Variants in ABLIM1 observed in about 807,000 individuals in gnomAD.
ABLIM1 encodes actin-binding LIM protein 1.
In ABLIM1, 40 loss-of-function variants were observed where a neutral mutation model predicts 107.0. The ratio of observed to expected loss-of-function variants is 0.37; its 90% CI spans 0.29 to 0.49. ABLIM1 has a LOEUF of 0.49. Ranked by LOEUF, ABLIM1 falls within the 20% of genes least tolerant of loss-of-function variation. The pLI, the probability that ABLIM1 is intolerant of heterozygous loss-of-function variation, is 0.97. For missense variants in ABLIM1, 857 were observed against 1,008.5 expected, an observed-to-expected ratio of 0.85 and a Z score of 2.04; for synonymous variants, 357 against 357.3, an observed-to-expected ratio of 1.00 and a Z score of 0.01.
At chr10:114,640,309 C>CT (rs1218461104) in intron 1 of ABLIM1, among the ~76,000 whole-genome samples, 2 of 152,200 alleles carry the variant, frequency 1.3e-5, no homozygotes, top group African/African-American at 2.4e-5. Context: ...GGAGGATCAT[C>CT]TGAGGCCAGG....
intron 1 of ABLIM1, among the ~76,000 whole-genome samples, chr10:114,705,467 A>C (rs1471247047): frequency 1.3e-5 from 2 of 152,186 alleles, no homozygotes; most frequent in African/African-American, 4.8e-5. Context: ...CGAAGACCTC[A>C]AACAGTGGAA....
At chr10:114,541,747 A>C (rs961116347) in intron 6 of ABLIM1, among the ~76,000 whole-genome samples, 1 of 152,254 alleles carries the variant, frequency 6.6e-6, no homozygotes, top group Non-Finnish European at 1.5e-5. Context: ...ATTTGAGAAG[A>C]GGTCTCTGCA....
upstream of ABLIM1, among the ~76,000 whole-genome samples, chr10:114,685,641 C>T (rs994484717): frequency 6.6e-6 from 1 of 152,170 alleles, no homozygotes; most frequent in African/African-American, 2.4e-5. Context: ...GCACCAGGCG[C>T]CAGACAAAGA....
At chr10:114,672,703 A>G (rs928218526) in intron 1 of ABLIM1, among the ~76,000 whole-genome samples, 1 of 152,188 alleles carries the variant, frequency 6.6e-6, no homozygotes, top group African/African-American at 2.4e-5. Context: ...TCTTTGTTTA[A>G]TCCATGGTTT....
At chr10:114,762,568 G>A (rs1178808307) in intron 1 of ABLIM1, among the ~76,000 whole-genome samples, 1 of 152,126 alleles carries the variant, frequency 6.6e-6, no homozygotes, top group East Asian at 1.9e-4. Context: ...TATTAAAGCT[G>A]TTCTTACTTA....
intron 17 of ABLIM1, 24 bp from the exon 18 acceptor site, chr10:114,441,810 C>T (rs767608524): frequency 6.3e-7 from 1 of 1,599,842 alleles, no homozygotes; most frequent in African/African-American, 1.3e-5. Flanking sequence ...AAGTAAAAAA[C>T]CAATTGTTAG....
chr10:114,620,369 T>C (rs953395701), intron 1 of ABLIM1, among the ~76,000 whole-genome samples: 39 of 152,152 alleles, frequency 2.6e-4, no homozygotes, highest in African/African-American at 8.9e-4. Flanking sequence ...GAGAGGCCCT[T>C]TGACTGAGTC....
chr10:114,759,962 C>T (rs1566312178), intron 1 of ABLIM1, among the ~76,000 whole-genome samples: 1 of 152,142 alleles, frequency 6.6e-6, no homozygotes, highest in Non-Finnish European at 1.5e-5. Context: ...CCATAAATGT[C>T]GATCAGCCCA....
chr10:114,592,356 T>C (rs1474339374), intron 2 of ABLIM1, among the ~76,000 whole-genome samples: 3 of 152,130 alleles, frequency 2.0e-5, no homozygotes, highest in Non-Finnish European at 4.4e-5. Flanking sequence ...GTACTTGGTT[T>C]GTTTAAGAAC....
At chr10:114,740,033 C>T (rs963338915) in intron 1 of ABLIM1, among the ~76,000 whole-genome samples, 3 of 152,024 alleles carry the variant, frequency 2.0e-5, no homozygotes, top group African/African-American at 7.2e-5. Flanking sequence ...CTGTTGGCAT[C>T]AATTTTTAAG....
exon 1 of ABLIM1, chr10:114,684,552 T>G: frequency 7.2e-7 from 1 of 1,387,532 alleles, no homozygotes; most frequent in Non-Finnish European, 9.3e-7. Flanking sequence ...CCTGAGTGAC[T>G]CTGGCTCCTT....
chr10:114,712,238 A>C lies in ABLIM1; in HGVS notation c.-213+55823T>G, dbSNP rs563346286. ...CATGGTGGTGGGCACCTGTAATCCT[A>C]GCTACTCGTGAGGCTGAGGCAGGAG... On this transcript the variant is annotated intron_variant, in intron 1 of 15. Transcript: ENST00000651092. Among the ~76,000 whole-genome samples, 100 of 151,086 alleles carry C rather than the reference A, an allele frequency of 6.6e-4. 1 individual carries two copies. Among genetic ancestry groups the C allele is most frequent in the Admixed American group, 1.4e-3 (21 of 15,102 alleles).
At chr10:114,568,170 C>G (rs1225527935) in intron 4 of ABLIM1, among the ~76,000 whole-genome samples, 1 of 125,622 alleles carries the variant, frequency 8.0e-6, no homozygotes, top group African/African-American at 3.4e-5. Context: ...GCAGTCCAGC[C>G]TGGGCGACAG....
At chr10:114,526,698 G>A (rs1565827836) in intron 6 of ABLIM1, 2 of 985,486 alleles carry the variant, frequency 2.0e-6, no homozygotes, top group Non-Finnish European at 2.4e-6. Flanking sequence ...TCTGTTCCTT[G>A]GCTGTGCTGA....
At chr10:114,458,136 C>CATATAT (rs35858255) in intron 12 of ABLIM1, among the ~76,000 whole-genome samples, 1 of 150,368 alleles carries the variant, frequency 6.7e-6, no homozygotes, top group African/African-American at 2.4e-5. Flanking sequence ...TACAATAGTA[C>CATATAT]ATATATATAT....
At position 114,515,292 on chromosome 10, in the gene ABLIM1, C is replaced by T. The variant is rs544734423; in HGVS notation, c.895-23414G>A. Among the ~76,000 whole-genome samples, 3 of 144,840 alleles carry T rather than the reference C, an allele frequency of 2.1e-5. No homozygotes were observed. The South Asian group carries it at 7.2e-4, about 35-fold the overall frequency. ...TCCCCAAATCCAGATGTGGAAGCTG[C>T]CATTCCCTCCCGTGACCCTCTCCCT... is the stretch of plus-strand genomic sequence containing the variant. On this transcript the variant is annotated intron_variant, in intron 6 of 22. Transcript: ENST00000533213.
chr10:114,452,152 A>C (rs933648142), intron 13 of ABLIM1, among the ~76,000 whole-genome samples: 1 of 152,196 alleles, frequency 6.6e-6, no homozygotes, highest in African/African-American at 2.4e-5. Flanking sequence ...TTTAAAAAAA[A>C]CAGAAACTTT....
At chr10:114,455,296 C>G (rs1392492849) in intron 12 of ABLIM1, among the ~76,000 whole-genome samples, 3 of 152,142 alleles carry the variant, frequency 2.0e-5, no homozygotes, top group African/African-American at 4.8e-5. Flanking sequence ...TTCTCAAGAG[C>G]TGGTTTAGCA....
Position 114,436,010 on chromosome 10 carries a change from T to C in ABLIM1, c.*250A>G. 2.2e-6 allele frequency: 1 copy of C among 445,350 alleles called. No homozygotes were observed. The highest frequency in any genetic ancestry group is 3.7e-5 in the Admixed American group (1 of 27,196). 27.6% of individuals were successfully genotyped at this position (445,350 alleles called of 1,614,324 possible). ...CTCCTGTTGTATACATAAGGTAATG[T>C]GAAAAGCTCACATGTGGACACTACT... On this transcript the variant is annotated 3_prime_UTR_variant, in exon 23 of 23. Coordinates refer to ENST00000533213, the MANE Select transcript of ABLIM1 (RefSeq NM_002313.7).
Sources: allele counts gnomAD v4.1 joint callset (sites outside exome capture counted in the v4.1 genomes callset), GRCh38; gene constraint gnomAD v4.1.1; transcripts MANE v1.5; gene names NCBI Gene and HGNC (gene_info 2026-07-23, HGNC 2026-07-21).